EXD2: variants seen among roughly 807,000 people sequenced by gnomAD.
The protein encoded by EXD2 is exonuclease 3'-5' domain containing 2.
A neutral mutation model predicts 62.5 loss-of-function variants in EXD2; 40 were observed. The ratio of observed to expected loss-of-function variants is 0.64; its 90% CI spans 0.50 to 0.83. The LOEUF (loss-of-function observed/expected upper bound fraction) is 0.83. Ranked by LOEUF, EXD2 falls within the 40% of genes least tolerant of loss-of-function variation. The pLI, the probability that EXD2 is intolerant of heterozygous loss-of-function variation, is 0.00. For missense variants in EXD2, 671 were observed against 761.8 expected (o/e 0.88, Z 1.40); for synonymous variants, 239 against 291.9 (o/e 0.82, Z 1.85).
At position 69,237,597 on chromosome 14, in the gene EXD2, TACC is replaced by T; in HGVS notation, c.1316_1318del (p.Tyr439_Arg440delinsTrp). The T allele has an allele frequency of 6.2e-7, 1 of 1,614,174 alleles. No individual in the cohort carries two copies. Among genetic ancestry groups the T allele is most frequent in the Non-Finnish European group, 8.5e-7 (1 of 1,180,018 alleles). On this transcript the variant is annotated inframe_deletion, in exon 9 of 10. Transcript: ENST00000685843. ...CAGGAAGAACGTGATTCCACATGAG[TACC>T]GGAAGCACTTCCCCATCGAGATGAA...
chr14:69,206,458 T>C (rs1381386596), intron 2 of EXD2, among the ~76,000 whole-genome samples: 2,282 of 33,988 alleles, frequency 0.067, 453 homozygotes, highest in South Asian at 0.2. Flanking sequence ...CCACCCACTT[T>C]TTTTTTTTTT....
intron 3 of EXD2, among the ~76,000 whole-genome samples, chr14:69,222,064 G>C (rs2043203566): frequency 6.6e-6 from 1 of 151,294 alleles, no homozygotes; most frequent in Non-Finnish European, 1.5e-5. Flanking sequence ...CTCCACCTAG[G>C]TGGTAGGGTG....
chr14:69,232,665 A>G (rs1195361697), intron 5 of EXD2, among the ~76,000 whole-genome samples: 1 of 152,204 alleles, frequency 6.6e-6, no homozygotes, highest in African/African-American at 2.4e-5. Context: ...GCATCTGTTC[A>G]TGTGGGTATT....
At chr14:69,206,455 CTTTTTTTTTTTTTTTTTTT>C (rs56333403) in intron 2 of EXD2, among the ~76,000 whole-genome samples, 1 of 94,668 alleles carries the variant, frequency 1.1e-5, no homozygotes, top group African/African-American at 4.5e-5. Flanking sequence ...CACCCACCCA[CTTTTTTTTTTTTTTTTTTT>C]TTTTTTTTTT....
At chr14:69,235,803 T>C (rs922457948) in intron 6 of EXD2, 1 of 506,296 alleles carries the variant, frequency 2.0e-6, no homozygotes, top group Admixed American at 3.2e-5. Context: ...ACACACTCCC[T>C]AATGTCCTAG....
chr14:69,198,966 G>A (rs1294210211), intron 1 of EXD2, among the ~76,000 whole-genome samples: 1 of 152,226 alleles, frequency 6.6e-6, no homozygotes, highest in African/African-American at 2.4e-5. Context: ...ACAGTGGGCC[G>A]GGCATGGAGG....
At chr14:69,203,811 A>G (rs924266143) in intron 1 of EXD2, 106 bp from the exon 2 acceptor site, 4 of 152,198 alleles carry the variant, frequency 2.6e-5, no homozygotes, top group African/African-American at 9.6e-5. Flanking sequence ...GTAATAGCTA[A>G]CATTTATAGA....
At chr14:69,220,261 T>G (rs868838292) in intron 3 of EXD2, among the ~76,000 whole-genome samples, 1 of 51,352 alleles carries the variant, frequency 1.9e-5, no homozygotes, top group African/African-American at 6.6e-5. Context: ...CTGTTTTTTT[T>G]TTTTTTTTTT....
intron 3 of EXD2, among the ~76,000 whole-genome samples, chr14:69,224,495 C>A (rs2043292989): frequency 6.6e-6 from 1 of 152,152 alleles, no homozygotes; most frequent in African/African-American, 2.4e-5. Context: ...CTATATCACA[C>A]CCCTACTACC....
At chr14:69,194,345 T>G (rs11158794) in intron 1 of EXD2, among the ~76,000 whole-genome samples, 1 of 151,546 alleles carries the variant, frequency 6.6e-6, no homozygotes, top group Non-Finnish European at 1.5e-5. Context: ...TCACCGTGTT[T>G]GCTAGGATGG....
At chr14:69,193,183 C>T (rs1444398306) in intron 1 of EXD2, among the ~76,000 whole-genome samples, 3 of 151,938 alleles carry the variant, frequency 2.0e-5, no homozygotes, top group African/African-American at 4.8e-5. Flanking sequence ...CTCAGCCTCC[C>T]GAGTAGCTGG....
intron 2 of EXD2, among the ~76,000 whole-genome samples, chr14:69,208,604 C>T (rs1390155599): frequency 6.6e-6 from 1 of 152,166 alleles, no homozygotes; most frequent in Non-Finnish European, 1.5e-5. Flanking sequence ...TATAGGAAAA[C>T]AGAAACTACA....
chr14:69,220,807 T>G (rs934714261), intron 3 of EXD2, among the ~76,000 whole-genome samples: 1 of 152,036 alleles, frequency 6.6e-6, no homozygotes, highest in Admixed American at 6.5e-5. Context: ...AGGCAGAGGT[T>G]GCAGTGAACC....
intron 3 of EXD2, among the ~76,000 whole-genome samples, chr14:69,222,985 C>T (rs748628413): frequency 2.0e-5 from 3 of 152,258 alleles, no homozygotes; most frequent in South Asian, 2.1e-4. Context: ...CCAACTGTTA[C>T]TGGATTGCCC....
rs3742901 is a variant in EXD2 at position 69,240,739 on chromosome 14, G to C, written c.1650-145G>C. The C allele has an allele frequency of 9.8e-5, 62 of 630,182 alleles. No homozygotes were observed. The East Asian group carries it at 1.7e-3, about 17-fold the overall frequency. 39.0% of individuals were successfully genotyped at this position (630,182 alleles called of 1,614,324 possible). A position where few individuals can be genotyped will look rare whatever the true frequency, so the allele number is the denominator to read the frequency against. On this transcript the variant is annotated intron_variant, in intron 9 of 9. Coordinates refer to ENST00000685843, the MANE Select transcript of EXD2 (RefSeq NM_001193360.2). ...ATAAAAAGGGCAGAGATAAGAAAGAGGATGTTTCGAAAACACCAAAGTAAC... is the reference window on the plus strand; with the variant it reads ...ATAAAAAGGGCAGAGATAAGAAAGACGATGTTTCGAAAACACCAAAGTAAC...
At chr14:69,205,330 C>T (rs1048908433) in intron 2 of EXD2, among the ~76,000 whole-genome samples, 66 of 152,098 alleles carry the variant, frequency 4.3e-4, no homozygotes, top group African/African-American at 1.6e-3. Flanking sequence ...AGATTACAGG[C>T]GTGAGACACC....
intron 3 of EXD2, among the ~76,000 whole-genome samples, chr14:69,220,251 CTGTTTTTTT>C (rs2043124910): frequency 1.7e-5 from 1 of 60,604 alleles, no homozygotes; most frequent in African/African-American, 7.0e-5. Context: ...TTTTGTCTCT[CTGTTTTTTT>C]TTTTTTTTTT....
intron 5 of EXD2, among the ~76,000 whole-genome samples, chr14:69,233,422 T>A (rs988544867): frequency 2.0e-5 from 3 of 151,832 alleles, no homozygotes; most frequent in African/African-American, 4.8e-5. Flanking sequence ...AAATTTAATT[T>A]AATTAATTTA....
chr14:69,236,723 C>T (rs2043805265), intron 8 of EXD2, among the ~76,000 whole-genome samples, 181 bp downstream of exon 8: 1 of 152,190 alleles, frequency 6.6e-6, no homozygotes, highest in South Asian at 2.1e-4. Context: ...GTGGCCCTTA[C>T]CCCTCCTGAG....
Sources: gnomAD v4.1 joint callset for allele counts (sites outside exome capture counted in the v4.1 genomes callset) on GRCh38, gnomAD v4.1.1 for gene constraint, MANE v1.5 for transcripts, NCBI Gene and HGNC (gene_info 2026-07-23, HGNC 2026-07-21) for gene names.